BCAS3: variants seen among roughly 807,000 people sequenced by gnomAD.
The protein encoded by BCAS3 is BCAS4/BCAS3 fusion.
Under a neutral mutation model 116.1 loss-of-function variants are expected in BCAS3, and 53 were observed. The observed-to-expected ratio is 0.46, with a 90% CI of 0.37 to 0.57. The LOEUF (loss-of-function observed/expected upper bound fraction) is 0.57. Among genes scored for constraint, BCAS3 ranks in the 20% least tolerant of loss-of-function variants. The pLI is 0.00. For synonymous variants in BCAS3, 391 were observed against 408.2 expected (o/e 0.96, Z 0.51); for missense variants, 917 against 1,165.4 (o/e 0.79, Z 3.10).
chr17:60,707,885 G>A (rs972174433), intron 4 of BCAS3, among the ~76,000 whole-genome samples: 11 of 151,924 alleles, frequency 7.2e-5, no homozygotes, highest in African/African-American at 2.2e-4. Flanking sequence ...CTATATTGTG[G>A]GATTCAATTT....
At chr17:60,944,131 A>G (rs546904310) in intron 13 of BCAS3, among the ~76,000 whole-genome samples, 30 of 152,154 alleles carry the variant, frequency 2.0e-4, no homozygotes, top group Middle Eastern at 3.4e-3. Context: ...AATAATAAAT[A>G]TAGTAACAGA....
chr17:60,739,873 TTTTGTTTTTG>T (rs2041357396), intron 5 of BCAS3, among the ~76,000 whole-genome samples: 1 of 151,310 alleles, frequency 6.6e-6, no homozygotes, highest in African/African-American at 2.5e-5. Context: ...TTGCTGTTTT[TTTTGTTTTTG>T]TTTTTTTTTT....
At chr17:60,881,413 T>C (rs557000840) in intron 9 of BCAS3, among the ~76,000 whole-genome samples, 2 of 152,302 alleles carry the variant, frequency 1.3e-5, no homozygotes, top group South Asian at 2.1e-4. Flanking sequence ...ATTTACAGTA[T>C]TTCATTCTAA....
At chr17:61,129,674 G>A (rs2076228632) in intron 22 of BCAS3, among the ~76,000 whole-genome samples, 1 of 152,224 alleles carries the variant, frequency 6.6e-6, no homozygotes, top group African/African-American at 2.4e-5. Context: ...TGGCTGTGCT[G>A]TTGGAGAAAA....
intron 22 of BCAS3, among the ~76,000 whole-genome samples, chr17:61,096,537 A>G (rs2073985165): frequency 6.6e-6 from 1 of 152,222 alleles, no homozygotes; most frequent in Admixed American, 6.5e-5. Context: ...AGCCTGGGTG[A>G]CAGAGGGGAA....
At chr17:60,719,094 T>C (rs1289388873) in intron 5 of BCAS3, among the ~76,000 whole-genome samples, 1 of 151,918 alleles carries the variant, frequency 6.6e-6, no homozygotes, top group African/African-American at 2.4e-5. Context: ...CAAAAAAACT[T>C]AGTTGTAGAA....
intron 7 of BCAS3, among the ~76,000 whole-genome samples, chr17:60,827,075 C>T (rs532671812): frequency 2.0e-5 from 3 of 152,068 alleles, no homozygotes; most frequent in African/African-American, 7.2e-5. Context: ...ATGGAACTAA[C>T]AAGGGTTTTG....
intron 6 of BCAS3, among the ~76,000 whole-genome samples, chr17:60,802,645 G>T (rs1017971717): frequency 6.6e-6 from 1 of 151,958 alleles, no homozygotes; most frequent in Non-Finnish European, 1.5e-5. Context: ...TCTGCTTGTC[G>T]ACTTTGTTTT....
intron 9 of BCAS3, among the ~76,000 whole-genome samples, chr17:60,886,730 G>A (rs1322012456): frequency 1.3e-5 from 2 of 152,072 alleles, no homozygotes; most frequent in African/African-American, 4.8e-5. Flanking sequence ...TGCTCCTGCT[G>A]GGGGGTGCCT....
At chr17:61,230,405 A>G (rs1263049745) in intron 22 of BCAS3, among the ~76,000 whole-genome samples, 1 of 152,114 alleles carries the variant, frequency 6.6e-6, no homozygotes, top group Non-Finnish European at 1.5e-5. Flanking sequence ...TCTTGCACTC[A>G]GGTAGTGAGC....
intron 9 of BCAS3, among the ~76,000 whole-genome samples, chr17:60,882,469 T>G (rs1008207635): frequency 1.3e-5 from 2 of 151,696 alleles, no homozygotes; most frequent in African/African-American, 2.4e-5. Context: ...GTCAATTTTG[T>G]CTTTTGTTGC....
intron 22 of BCAS3, among the ~76,000 whole-genome samples, chr17:61,311,090 A>G (rs2054270557): frequency 6.6e-6 from 1 of 152,170 alleles, no homozygotes; most frequent in Non-Finnish European, 1.5e-5. Context: ...TATGTGTGGA[A>G]CACTTAAAAT....
chr17:61,045,890 ATAT>A lies in BCAS3; in HGVS notation c.2029+4999_2029+5001del, dbSNP rs1369648544. ...AAATATATATAAATATATATTATAT[ATAT>A]AATATATATAAATATATATTTATAT... On this transcript the variant is annotated intron_variant, in intron 19 of 23. Transcript: ENST00000407086. Among the ~76,000 whole-genome samples the A allele has an allele frequency of 3.0e-4, 12 of 39,736 alleles. 1 individual carries two copies. The African/African-American group carries it at 3.6e-3, about 12-fold the overall frequency. The allele number at this position is 39,736 out of a possible 152,430, so 26.1% of individuals were successfully genotyped here. A position where few individuals can be genotyped will look rare whatever the true frequency, so the allele number is the denominator to read the frequency against.
intron 4 of BCAS3, chr17:60,696,667 A>C (rs554589104): frequency 1.1e-4 from 17 of 152,208 alleles, no homozygotes; most frequent in Non-Finnish European, 1.9e-4. Context: ...AGCTACCTGA[A>C]GATGCCTCCT....
intron 12 of BCAS3, among the ~76,000 whole-genome samples, chr17:60,922,325 C>A (rs1398882150): frequency 1.3e-5 from 2 of 152,166 alleles, no homozygotes; most frequent in Non-Finnish European, 2.9e-5. Context: ...CAGGGTTTCA[C>A]TATATTGGTC....
intron 22 of BCAS3, among the ~76,000 whole-genome samples, chr17:61,170,585 C>T (rs2078788750): frequency 2.6e-5 from 4 of 152,188 alleles, no homozygotes. Flanking sequence ...AGCCACCGCG[C>T]CTGGCCGATA....
At chr17:60,815,538 T>C (rs1256270076) in intron 7 of BCAS3, among the ~76,000 whole-genome samples, 10 of 152,182 alleles carry the variant, frequency 6.6e-5, no homozygotes, top group Admixed American at 6.5e-4. Context: ...TGCTTCCAGT[T>C]TTTTAAATAA....
chr17:61,226,618 C>G lies in BCAS3; in HGVS notation c.2426-141709C>G, dbSNP rs1167536420. ...AGGGTTAGAATTTTTTCAGGGTGATCTTTTTTGTTCAGATGCAAAATAGCT... is the reference window on the plus strand; with the variant it reads ...AGGGTTAGAATTTTTTCAGGGTGATGTTTTTTGTTCAGATGCAAAATAGCT... On this transcript the variant is annotated intron_variant, in intron 22 of 23. Transcript: ENST00000407086. The surrounding 1 kb of genome is among the most constrained non-coding windows in gnomAD (Gnocchi z 6.0). Among the ~76,000 whole-genome samples the G allele has an allele frequency of 2.0e-5, 3 of 152,108 alleles. No homozygotes were observed. Among genetic ancestry groups the G allele is most frequent in the Non-Finnish European group, 4.4e-5 (3 of 68,002 alleles).
In BCAS3 at chr17:61,315,824, C is replaced by G. The variant is rs933925268; in HGVS notation, c.2426-52503C>G. Among the ~76,000 whole-genome samples, 2 of 152,176 alleles carry G rather than the reference C, an allele frequency of 1.3e-5. No homozygotes were observed. Among genetic ancestry groups the G allele is most frequent in the Non-Finnish European group, 2.9e-5 (2 of 68,040 alleles). On this transcript the variant is annotated intron_variant, in intron 22 of 23. Transcript: ENST00000407086. This position sits in a 1 kb window ranked among gnomAD's most constrained non-coding sequence, Gnocchi z 5.3. ...GCCGCTGCGTCCCCTCCACGGCTCC[C>G]CTGCAGTAGCACACCTCTGCACAGC...
Sources: allele counts gnomAD v4.1 joint callset (sites outside exome capture counted in the v4.1 genomes callset), GRCh38; gene constraint gnomAD v4.1.1; non-coding constraint Gnocchi (gnomAD v3.1); transcripts MANE v1.5; gene names NCBI Gene and HGNC (gene_info 2026-07-23, HGNC 2026-07-21).